PDE4D: variants seen among roughly 807,000 people sequenced by gnomAD.
PDE4D encodes 3',5'-cyclic-AMP phosphodiesterase 4D.
A neutral mutation model predicts 87.4 loss-of-function variants in PDE4D; 24 were observed. That is an observed-to-expected ratio of 0.27 (90% CI 0.20 to 0.39). The LOEUF (loss-of-function observed/expected upper bound fraction) is 0.39, where lower values mean the gene tolerates loss of function less well. Among genes scored for constraint, PDE4D ranks in the 10% least tolerant of loss-of-function variants. PDE4D has a pLI of 1.00. For missense variants in PDE4D, 714 were observed against 1,041.0 expected (o/e 0.69, Z 4.32); for synonymous variants, 384 against 383.2 (o/e 1.00, Z -0.02).
chr5:60,213,896 G>T (rs949286467), intron 1 of PDE4D, among the ~76,000 whole-genome samples: 24 of 152,224 alleles, frequency 1.6e-4, no homozygotes, highest in African/African-American at 5.5e-4. Context: ...AATGCTTTTA[G>T]AATAATCATC....
At chr5:58,999,472 A>G in intron 6 of PDE4D, 1 of 1,412,182 alleles carries the variant, frequency 7.1e-7, no homozygotes, top group Non-Finnish European at 9.7e-7. Flanking sequence ...AGTTTTCAAA[A>G]GCTAAGTAAG....
intron 1 of PDE4D, among the ~76,000 whole-genome samples, chr5:59,488,166 C>CAAA (rs529078753): frequency 3.7e-5 from 4 of 107,360 alleles, no homozygotes; most frequent in South Asian, 3.3e-4. Context: ...CATCAAGAGC[C>CAAA]AAAAAAAAAA....
intron 3 of PDE4D, among the ~76,000 whole-genome samples, chr5:59,946,343 A>G (rs1214441772): frequency 6.6e-6 from 1 of 152,018 alleles, no homozygotes; most frequent in Admixed American, 6.6e-5. Flanking sequence ...TAAAACTCAG[A>G]CCCCAAAACT....
At chr5:60,059,938 G>A (rs894736491) in intron 2 of PDE4D, among the ~76,000 whole-genome samples, 13 of 151,992 alleles carry the variant, frequency 8.6e-5, no homozygotes, top group African/African-American at 3.1e-4. Flanking sequence ...AAAGCAAAGT[G>A]CAAGTCAGAG....
intron 2 of PDE4D, among the ~76,000 whole-genome samples, chr5:59,204,624 A>G (rs1748328518): frequency 6.6e-6 from 1 of 152,226 alleles, no homozygotes; most frequent in African/African-American, 2.4e-5. Context: ...AGAAGGTTTG[A>G]GTACAAAGCT....
At chr5:60,172,346 A>G (rs1783541260) in intron 2 of PDE4D, among the ~76,000 whole-genome samples, 2 of 151,682 alleles carry the variant, frequency 1.3e-5, no homozygotes, top group Non-Finnish European at 2.9e-5. Flanking sequence ...TGGGCAATAC[A>G]ATAAACAAAA....
At chr5:59,892,204 G>A (rs979153419) in intron 1 of PDE4D, among the ~76,000 whole-genome samples, 12 of 152,128 alleles carry the variant, frequency 7.9e-5, no homozygotes, top group African/African-American at 2.9e-4. Context: ...TAAGAATCTG[G>A]AGCTGACTCC....
upstream of PDE4D, chr5:59,893,809 A>AG (rs1751336938): frequency 7.5e-7 from 1 of 1,330,092 alleles, no homozygotes; most frequent in Non-Finnish European, 9.5e-7. Flanking sequence ...TGCCAGCGGG[A>AG]GGGGTCACAG....
chr5:59,974,779 C>T (rs1159107845), intron 3 of PDE4D, among the ~76,000 whole-genome samples: 1 of 152,158 alleles, frequency 6.6e-6, no homozygotes, highest in African/African-American at 2.4e-5. Context: ...CTTCTTATCC[C>T]CATGTTGCAC....
intron 1 of PDE4D, among the ~76,000 whole-genome samples, chr5:60,217,613 TA>T (rs1744010453): frequency 6.6e-6 from 1 of 151,850 alleles, no homozygotes; most frequent in South Asian, 2.1e-4. Context: ...AAATTATTAA[TA>T]AAAAACTAGC....
chr5:59,014,928 T>C (rs1385310292), intron 6 of PDE4D, among the ~76,000 whole-genome samples: 4 of 152,096 alleles, frequency 2.6e-5, no homozygotes, highest in Admixed American at 6.5e-5. Context: ...AACAGAGATA[T>C]AGGCCAATGG....
chr5:59,106,591 C>T (rs1771617246), intron 5 of PDE4D, among the ~76,000 whole-genome samples: 1 of 151,876 alleles, frequency 6.6e-6, no homozygotes, highest in South Asian at 2.1e-4. Flanking sequence ...TGAAACCCTG[C>T]CTCTGCTAAA....
Position 59,355,199 on chromosome 5 carries a change from T to TA in PDE4D, c.456-139232dup, listed in dbSNP as rs1297114568. On this transcript the variant is annotated intron_variant, in intron 1 of 14. Transcript: ENST00000340635. ...GAACCTTGAAAAAATATATTTATCA[T>TA]ATAGCTTTAAATTGTTACAATACCA... 2.0e-5 allele frequency among the ~76,000 whole-genome samples: 3 copies of TA among 152,194 alleles called. No homozygotes were observed. The East Asian group carries it at 5.8e-4, about 29-fold the overall frequency.
chr5:59,925,770 A>G (rs1377355302), intron 3 of PDE4D, among the ~76,000 whole-genome samples: 1 of 152,256 alleles, frequency 6.6e-6, no homozygotes, highest in Non-Finnish European at 1.5e-5. Flanking sequence ...AAGAGACTAC[A>G]TGGTCACTAT....
chr5:60,082,143 G>GC (rs1341842389), intron 2 of PDE4D, among the ~76,000 whole-genome samples: 1 of 152,044 alleles, frequency 6.6e-6, no homozygotes, highest in Non-Finnish European at 1.5e-5. Flanking sequence ...ATGTTTTTCT[G>GC]CCCCCCAAAA....
At chr5:59,771,454 A>AAAGAGAGAG (rs1763453296) in intron 1 of PDE4D, among the ~76,000 whole-genome samples, 1 of 77,706 alleles carries the variant, frequency 1.3e-5, no homozygotes, top group African/African-American at 6.2e-5. Context: ...AGAAAGAAAG[A>AAAGAGAGAG]AAGAAAGAAA....
At chr5:60,239,405 C>G (rs1046690306) in intron 1 of PDE4D, among the ~76,000 whole-genome samples, 7 of 152,114 alleles carry the variant, frequency 4.6e-5, no homozygotes, top group African/African-American at 1.7e-4. Context: ...TTGGTTATGA[C>G]TGACGCTTAG....
chr5:59,496,432 G>A (rs1306895265), intron 1 of PDE4D, among the ~76,000 whole-genome samples: 1 of 152,134 alleles, frequency 6.6e-6, no homozygotes, highest in Non-Finnish European at 1.5e-5. Flanking sequence ...CACAGGCCTG[G>A]GGGTGGAGCC....
intron 2 of PDE4D, among the ~76,000 whole-genome samples, chr5:60,045,651 T>C (rs1335898679): frequency 6.6e-6 from 1 of 152,234 alleles, no homozygotes; most frequent in East Asian, 1.9e-4. Context: ...TTTCTCAGGT[T>C]TGACAAAGAT....
Sources: gnomAD v4.1 joint callset for allele counts (sites outside exome capture counted in the v4.1 genomes callset) on GRCh38, gnomAD v4.1.1 for gene constraint, MANE v1.5 for transcripts, NCBI Gene and HGNC (gene_info 2026-07-23, HGNC 2026-07-21) for gene names.